The following RTCB variants were observed in gnomAD, a reference collection of about 807,000 sequenced individuals.
The protein encoded by RTCB is RNA 2',3'-cyclic phosphate and 5'-OH ligase, also known as RNA-splicing ligase RTCB.
A neutral mutation model predicts 58.2 loss-of-function variants in RTCB; 32 were observed. The ratio of observed to expected loss-of-function variants is 0.55; its 90% CI spans 0.41 to 0.74. RTCB has a LOEUF of 0.74. Ranked by LOEUF, RTCB falls within the 30% of genes least tolerant of loss-of-function variation. The pLI is 0.00. For synonymous variants in RTCB, 247 were observed against 218.6 expected (o/e 1.13, Z -1.15); for missense variants, 523 against 639.0 (o/e 0.82, Z 1.96).
intron 4 of RTCB, 25 bp downstream of exon 4, chr22:32,406,637 C>T (rs781257555): frequency 1.3e-6 from 2 of 1,532,672 alleles, no homozygotes; most frequent in South Asian, 1.1e-5. Flanking sequence ...ACACACTTAA[C>T]AGCAGATGTC....
chr22:32,408,661 A>G, intron 2 of RTCB, 94 bp downstream of exon 2: 1 of 907,182 alleles, frequency 1.1e-6, no homozygotes, highest in Non-Finnish European at 1.8e-6. Context: ...CTCCTTGACA[A>G]TATTTCAGAA....
chr22:32,406,082 A>G (rs766023085), intron 4 of RTCB, among the ~76,000 whole-genome samples: 2 of 152,206 alleles, frequency 1.3e-5, no homozygotes, highest in Non-Finnish European at 1.5e-5. Flanking sequence ...ACTGATTTAC[A>G]AAGATAAAAA....
intron 4 of RTCB, among the ~76,000 whole-genome samples, 169 bp from the exon 5 acceptor site, chr22:32,402,072 AATC>A (rs1933344742): frequency 6.6e-6 from 1 of 152,236 alleles, no homozygotes; most frequent in South Asian, 2.1e-4. Context: ...ACACCAAGAT[AATC>A]TAAAGTAACA....
intron 5 of RTCB, 24 bp downstream of exon 5, chr22:32,401,723 T>G (rs751957205): frequency 1.2e-6 from 2 of 1,612,108 alleles, no homozygotes; most frequent in Non-Finnish European, 1.7e-6. Flanking sequence ...TCCCATACCA[T>G]GTACTGGAAA....
At chr22:32,399,929 T>C (rs1050016279) in intron 5 of RTCB, 170 bp from the exon 6 acceptor site, 6 of 496,192 alleles carry the variant, frequency 1.2e-5, no homozygotes, top group Middle Eastern at 5.6e-4. Flanking sequence ...TTTTGAGGAA[T>C]GCAGTCATAT....
intron 5 of RTCB, among the ~76,000 whole-genome samples, chr22:32,401,368 A>G (rs1242847773): frequency 6.6e-6 from 1 of 151,734 alleles, no homozygotes; most frequent in Non-Finnish European, 1.5e-5. Flanking sequence ...GATTCTGTAA[A>G]CCCAACCACA....
chr22:32,388,656 T>G (rs771042278), intron 11 of RTCB, among the ~76,000 whole-genome samples: 1 of 152,174 alleles, frequency 6.6e-6, no homozygotes, highest in Non-Finnish European at 1.5e-5. Context: ...CCAGCAACAT[T>G]CCCACCATTC....
At chr22:32,409,681 G>T (rs1241071302) in intron 1 of RTCB, among the ~76,000 whole-genome samples, 1 of 152,110 alleles carries the variant, frequency 6.6e-6, no homozygotes, top group African/African-American at 2.4e-5. Context: ...TTTCTTAAGG[G>T]TCACATTTAT....
At chr22:32,388,544 A>G (rs1369682617) in intron 11 of RTCB, among the ~76,000 whole-genome samples, 2 of 152,204 alleles carry the variant, frequency 1.3e-5, no homozygotes, top group Admixed American at 6.5e-5. Context: ...CTTCACAGTA[A>G]GTTATAAAAT....
chr22:32,407,441 G>T (rs1032906232), intron 3 of RTCB: 1 of 152,594 alleles, frequency 6.6e-6, no homozygotes, highest in African/African-American at 2.4e-5. Flanking sequence ...TGTGGTGGGG[G>T]CTATGCTGTC....
At chr22:32,411,483 A>G (rs563642069) in intron 1 of RTCB, among the ~76,000 whole-genome samples, 1 of 152,290 alleles carries the variant, frequency 6.6e-6, no homozygotes, top group East Asian at 1.9e-4. Flanking sequence ...AGAGGAAGCT[A>G]TGTCACCGAC....
intron 10 of RTCB, among the ~76,000 whole-genome samples, chr22:32,392,863 C>G (rs1201030771): frequency 6.6e-6 from 1 of 152,226 alleles, no homozygotes; most frequent in East Asian, 1.9e-4. Flanking sequence ...GCTCAACACT[C>G]TGGATGGCTT....
intron 7 of RTCB, 40 bp from the exon 8 acceptor site, chr22:32,396,289 C>G: frequency 6.3e-7 from 1 of 1,599,270 alleles, no homozygotes; most frequent in Non-Finnish European, 8.5e-7. Flanking sequence ...GTTAGCTTTC[C>G]CTTAAATGAA....
chr22:32,392,358 C>A lies in RTCB; in HGVS notation c.1292G>T (p.Gly431Val). The A allele has an allele frequency of 6.2e-7, 1 of 1,613,604 alleles. No individual in the cohort carries two copies. The highest frequency in any genetic ancestry group is 8.5e-7 in the Non-Finnish European group (1 of 1,179,750). Residue 431 changes from glycine to valine, a missense_variant and splice_region_variant, in exon 11 of 12, where the codon GGC becomes GTC. By Grantham distance (109) the Gly-to-Val change is moderately radical (BLOSUM62 -3). Coordinates refer to ENST00000216038, the MANE Select transcript of RTCB (RefSeq NM_014306.5). ...AGATTTTGCTCGGGACAATGCACGG[C>A]CCTAGAATGGGAAAGGAATGAACTT... ...ETFGTTCHGA[G>V]RALSRAKSRR...
chr22:32,395,012 G>C lies in RTCB; in HGVS notation c.1179+14C>G. 6.3e-7 allele frequency: 1 copy of C among 1,598,374 alleles called. No individual in the cohort carries two copies. The highest frequency in any genetic ancestry group is 1.1e-5 in the South Asian group (1 of 89,682). ...GCCCCCACTGCTTAAAACTACAAAC[G>C]TAGAGCTACGTACTTGGTAATCAAC... On this transcript the variant is annotated intron_variant, in intron 9 of 11. Transcript: ENST00000216038.
chr22:32,397,815 G>A (rs1353728259), intron 7 of RTCB, 126 bp downstream of exon 7: 2 of 785,908 alleles, frequency 2.5e-6, no homozygotes, highest in South Asian at 5.2e-5. Context: ...CAGTGAATTT[G>A]TCCAAGTTAT....
At chr22:32,407,918 A>C in intron 3 of RTCB, 1 of 458,856 alleles carries the variant, frequency 2.2e-6, no homozygotes, top group Non-Finnish European at 4.0e-6. Flanking sequence ...GTGACATCAC[A>C]CCTGACTAAT....
intron 1 of RTCB, among the ~76,000 whole-genome samples, chr22:32,409,499 G>C (rs1933483671): frequency 6.6e-6 from 1 of 152,182 alleles, no homozygotes; most frequent in South Asian, 2.1e-4. Context: ...TAACACTAAA[G>C]AGCAGAACAT....
chr22:32,403,594 T>G (rs1310399810), intron 4 of RTCB, among the ~76,000 whole-genome samples: 16 of 152,142 alleles, frequency 1.1e-4, no homozygotes, highest in Non-Finnish European at 1.3e-4. Context: ...AATATTTTAT[T>G]TTAGAGACAG....
Sources: allele counts gnomAD v4.1 joint callset (sites outside exome capture counted in the v4.1 genomes callset), GRCh38; gene constraint gnomAD v4.1.1; transcripts MANE v1.5; gene names NCBI Gene and HGNC (gene_info 2026-07-23, HGNC 2026-07-21).